The following DPYD variants were observed in gnomAD, a reference collection of about 807,000 sequenced individuals.
The protein encoded by DPYD is dihydropyrimidine dehydrogenase.
In DPYD, 109 loss-of-function variants were observed where a neutral mutation model predicts 116.2. The observed-to-expected ratio is 0.94, with a 90% CI of 0.80 to 1.10. The LOEUF (loss-of-function observed/expected upper bound fraction) is 1.10, where lower values mean the gene tolerates loss of function less well. DPYD is among the 50% of genes least tolerant of loss of function. The pLI, the probability that DPYD is intolerant of heterozygous loss-of-function variation, is 0.00. For missense variants in DPYD, 1,302 were observed against 1,254.5 expected (o/e 1.04, Z -0.57); for synonymous variants, 440 against 432.0 (o/e 1.02, Z -0.23).
At chr1:97,675,267 A>G (rs1660078852) in intron 8 of DPYD, among the ~76,000 whole-genome samples, 1 of 152,210 alleles carries the variant, frequency 6.6e-6, no homozygotes, top group Non-Finnish European at 1.5e-5. Context: ...TTCCAATTCT[A>G]CGTCTCAATA....
chr1:97,492,044 A>G (rs1318957788), intron 13 of DPYD, among the ~76,000 whole-genome samples: 1 of 152,072 alleles, frequency 6.6e-6, no homozygotes, highest in African/African-American at 2.4e-5. Context: ...ATTCATTTCC[A>G]CTTGTCAAAG....
At chr1:97,163,795 C>CT (rs1322811260) in intron 20 of DPYD, among the ~76,000 whole-genome samples, 1 of 152,170 alleles carries the variant, frequency 6.6e-6, no homozygotes, top group Non-Finnish European at 1.5e-5. Context: ...TCTCTTACTA[C>CT]TGATGCTCTG....
At chr1:97,261,183 C>T (rs1054853195) in intron 18 of DPYD, among the ~76,000 whole-genome samples, 1 of 152,058 alleles carries the variant, frequency 6.6e-6, no homozygotes, top group Non-Finnish European at 1.5e-5. Flanking sequence ...CTGGAGTTCT[C>T]TTTCCATGTA....
At chr1:97,228,890 C>G (rs903863671) in intron 19 of DPYD, among the ~76,000 whole-genome samples, 2 of 151,978 alleles carry the variant, frequency 1.3e-5, no homozygotes, top group African/African-American at 4.8e-5. Flanking sequence ...AAGATTCGAA[C>G]TAACTGCAAG....
At chr1:97,495,584 C>T (rs1035936366) in intron 13 of DPYD, among the ~76,000 whole-genome samples, 5 of 152,064 alleles carry the variant, frequency 3.3e-5, no homozygotes, top group African/African-American at 1.2e-4. Flanking sequence ...CTGTGAAGTG[C>T]TGTAAGACAG....
intron 18 of DPYD, among the ~76,000 whole-genome samples, chr1:97,243,471 A>G (rs531575630): frequency 7.2e-5 from 11 of 151,980 alleles, no homozygotes; most frequent in Admixed American, 2.6e-4. Flanking sequence ...CATCCTCAAG[A>G]TCACTCTGTT....
At chr1:97,151,373 CTGGGGCTGGGTGCAG>C (rs905679871) in intron 20 of DPYD, among the ~76,000 whole-genome samples, 16 of 152,124 alleles carry the variant, frequency 1.1e-4, no homozygotes, top group East Asian at 5.8e-4. Flanking sequence ...GAAAGATTAT[CTGGGGCTGGGTGCAG>C]TGGGGCTGGG....
intron 3 of DPYD, among the ~76,000 whole-genome samples, chr1:97,808,505 A>G (rs1458893888): frequency 6.6e-6 from 1 of 152,128 alleles, no homozygotes; most frequent in Non-Finnish European, 1.5e-5. Context: ...ATTGTTGATT[A>G]GTTCTAGGAA....
At chr1:97,329,603 A>G (rs2101152686) in intron 16 of DPYD, among the ~76,000 whole-genome samples, 1 of 151,380 alleles carries the variant, frequency 6.6e-6, no homozygotes, top group East Asian at 2.0e-4. Flanking sequence ...AAAAAACAAA[A>G]TTAGCTGGGC....
chr1:97,859,657 C>T (rs533457778), intron 2 of DPYD, among the ~76,000 whole-genome samples: 6 of 152,138 alleles, frequency 3.9e-5, no homozygotes, highest in Non-Finnish European at 7.4e-5. Flanking sequence ...GGTGCTATCA[C>T]TACTGAAGTC....
intron 10 of DPYD, among the ~76,000 whole-genome samples, chr1:97,591,046 T>C (rs1654483652): frequency 6.6e-6 from 1 of 152,208 alleles, no homozygotes; most frequent in Non-Finnish European, 1.5e-5. Flanking sequence ...ACTGGCGTTT[T>C]TTCTATTCCA....
chr1:97,431,292 T>C (rs1362136912), intron 14 of DPYD, among the ~76,000 whole-genome samples: 4 of 152,096 alleles, frequency 2.6e-5, no homozygotes, highest in African/African-American at 9.7e-5. Flanking sequence ...GAACAATTTA[T>C]ACAGAAATGA....
intron 16 of DPYD, among the ~76,000 whole-genome samples, chr1:97,364,219 G>C (rs1670907768): frequency 1.3e-5 from 2 of 152,140 alleles, no homozygotes; most frequent in Admixed American, 6.5e-5. Context: ...GTTGGCAAAG[G>C]AAAATTGCAA....
chr1:97,194,362 AC>A (rs1658599394), intron 19 of DPYD, among the ~76,000 whole-genome samples: 1 of 151,900 alleles, frequency 6.6e-6, no homozygotes, highest in Non-Finnish European at 1.5e-5. Flanking sequence ...TCTCCTTCCT[AC>A]CACCATGTGA....
At chr1:97,378,432 G>C (rs1029777067) in intron 15 of DPYD, among the ~76,000 whole-genome samples, 5 of 152,166 alleles carry the variant, frequency 3.3e-5, no homozygotes, top group Non-Finnish European at 4.4e-5. Flanking sequence ...TAGTGTTTTA[G>C]TGTTTTATTT....
At chr1:97,896,742 T>C (rs1673090721) in intron 1 of DPYD, among the ~76,000 whole-genome samples, 1 of 151,922 alleles carries the variant, frequency 6.6e-6, no homozygotes, top group Non-Finnish European at 1.5e-5. Context: ...GCACCATTAA[T>C]CTACTTTCTA....
At chr1:97,765,136 T>C (rs1665779349) in intron 3 of DPYD, among the ~76,000 whole-genome samples, 1 of 152,150 alleles carries the variant, frequency 6.6e-6, no homozygotes, top group Non-Finnish European at 1.5e-5. Flanking sequence ...CTTGACCTTT[T>C]TCAGTCACAG....
intron 8 of DPYD, among the ~76,000 whole-genome samples, chr1:97,606,825 G>A (rs1000982661): frequency 2.0e-5 from 3 of 151,884 alleles, no homozygotes; most frequent in Admixed American, 6.6e-5. Flanking sequence ...GATAAGAAAG[G>A]AAAACTTCTC....
intron 8 of DPYD, among the ~76,000 whole-genome samples, chr1:97,606,219 C>A (rs190090097): frequency 9.2e-5 from 14 of 152,060 alleles, no homozygotes; most frequent in African/African-American, 2.9e-4. Flanking sequence ...ATGCCTACTA[C>A]GTGCTAAACA....
Sources: allele counts gnomAD v4.1 joint callset (sites outside exome capture counted in the v4.1 genomes callset), GRCh38; gene constraint gnomAD v4.1.1; transcripts MANE v1.5; gene names NCBI Gene and HGNC (gene_info 2026-07-23, HGNC 2026-07-21).